The following EDIL3 variants were observed in gnomAD, a reference collection of about 807,000 sequenced individuals.
The protein encoded by EDIL3 is EGF like and discoidin domains 3.
Under a neutral mutation model 67.4 loss-of-function variants are expected in EDIL3, and 37 were observed. The observed-to-expected ratio is 0.55, with a 90% confidence interval of 0.42 to 0.72. The LOEUF (loss-of-function observed/expected upper bound fraction) is 0.72, where lower values mean the gene tolerates loss of function less well. Ranked by LOEUF, EDIL3 falls within the 30% of genes least tolerant of loss-of-function variation. The pLI is 0.00. For synonymous variants in EDIL3, 195 were observed against 196.3 expected (o/e 0.99, Z 0.05); for missense variants, 527 against 586.3 (o/e 0.90, Z 1.04).
intron 3 of EDIL3, among the ~76,000 whole-genome samples, chr5:84,205,982 C>T (rs1292377634): frequency 6.6e-6 from 1 of 151,998 alleles, no homozygotes; most frequent in Non-Finnish European, 1.5e-5. Context: ...TCTTGCTTTT[C>T]TAGCTCTTGT....
At chr5:84,022,992 A>T (rs1427050252) in intron 9 of EDIL3, among the ~76,000 whole-genome samples, 1 of 152,028 alleles carries the variant, frequency 6.6e-6, no homozygotes, top group African/African-American at 2.4e-5. Context: ...CTATGCTTGT[A>T]ACAAATACAA....
chr5:84,292,075 A>G (rs112038465), intron 1 of EDIL3, among the ~76,000 whole-genome samples: 6 of 152,156 alleles, frequency 3.9e-5, no homozygotes, highest in African/African-American at 1.4e-4. Context: ...GTTAAATTTT[A>G]TTTAACTTAA....
chr5:84,125,434 A>C (rs1283885453), intron 5 of EDIL3, among the ~76,000 whole-genome samples: 4 of 152,054 alleles, frequency 2.6e-5, no homozygotes, highest in African/African-American at 9.7e-5. Flanking sequence ...AGTCTGCAAA[A>C]GCTTAACTTC....
intron 9 of EDIL3, among the ~76,000 whole-genome samples, chr5:83,999,492 C>T (rs1005509108): frequency 6.6e-6 from 1 of 151,726 alleles, no homozygotes; most frequent in Non-Finnish European, 1.5e-5. Context: ...TCTGAAGCTA[C>T]AAAATTCAAT....
At chr5:84,051,590 T>A (rs1281056933) in intron 9 of EDIL3, among the ~76,000 whole-genome samples, 1 of 152,108 alleles carries the variant, frequency 6.6e-6, no homozygotes, top group Non-Finnish European at 1.5e-5. Flanking sequence ...CTAACTAGAA[T>A]AACCAATGCA....
intron 1 of EDIL3, among the ~76,000 whole-genome samples, chr5:84,343,591 G>C (rs1747170621): frequency 6.6e-6 from 1 of 152,012 alleles, no homozygotes; most frequent in Non-Finnish European, 1.5e-5. Flanking sequence ...ATATCTCCAT[G>C]AGAACTCCTT....
intron 1 of EDIL3, among the ~76,000 whole-genome samples, chr5:84,259,180 C>T (rs1160432302): frequency 2.0e-5 from 3 of 152,028 alleles, no homozygotes; most frequent in South Asian, 4.2e-4. Flanking sequence ...AGGATGGTCT[C>T]GATCTCCTGA....
At chr5:84,167,426 A>G (rs1011155396) in intron 4 of EDIL3, among the ~76,000 whole-genome samples, 2 of 151,706 alleles carry the variant, frequency 1.3e-5, no homozygotes, top group East Asian at 3.9e-4. Flanking sequence ...CACCTCACAT[A>G]CTGAGAAGGT....
intron 1 of EDIL3, among the ~76,000 whole-genome samples, chr5:84,365,214 A>G (rs1747703565): frequency 1.3e-5 from 2 of 152,156 alleles, no homozygotes; most frequent in Non-Finnish European, 2.9e-5. Context: ...CTGAATACTA[A>G]GTACTGAACA....
intron 6 of EDIL3, among the ~76,000 whole-genome samples, chr5:84,095,237 A>G (rs1052770094): frequency 4.6e-5 from 7 of 152,162 alleles, no homozygotes; most frequent in African/African-American, 1.4e-4. Flanking sequence ...TATTTTTACC[A>G]AGTGTAAATT....
chr5:84,364,172 G>A (rs1200466552), intron 1 of EDIL3, among the ~76,000 whole-genome samples: 2 of 152,192 alleles, frequency 1.3e-5, no homozygotes, highest in South Asian at 2.1e-4. Context: ...ACAATGTAAG[G>A]CAGTTTTCAG....
At chr5:84,058,363 A>AAC (rs3831891) in intron 9 of EDIL3, among the ~76,000 whole-genome samples, 18 of 151,268 alleles carry the variant, frequency 1.2e-4, no homozygotes, top group Non-Finnish European at 2.1e-4. Context: ...CAGACACACA[A>AAC]ACACACACAC....
chr5:84,106,730 A>G lies in EDIL3; in HGVS notation c.570T>C (p.Tyr190=). 1 of 1,613,522 alleles carries G rather than the reference A, an allele frequency of 6.2e-7. No homozygotes were observed. Residue 190 remains tyrosine (Y), a synonymous_variant, in exon 6 of 11, where the codon TAT becomes TAC. Coordinates refer to ENST00000296591, the MANE Select transcript of EDIL3 (RefSeq NM_005711.5). Reference sequence around the variant, plus strand: ...TCTTATTAAGACGTGCATAGTAGGGATACCATTTTTGGAGTCCAAAAAGAG... The same window carrying G: ...TCTTATTAAGACGTGCATAGTAGGGGTACCATTTTTGGAGTCCAAAAAGAG... ...HRALFGLQKW[Y]PYYARLNKKG... is the part of the protein sequence containing the mutation.
At chr5:84,355,359 T>C (rs1747457969) in intron 1 of EDIL3, among the ~76,000 whole-genome samples, 1 of 152,056 alleles carries the variant, frequency 6.6e-6, no homozygotes, top group Admixed American at 6.6e-5. Flanking sequence ...TTCTCTAAAC[T>C]GGTTATTCTA....
At chr5:84,299,150 CG>C (rs1262388321) in intron 1 of EDIL3, among the ~76,000 whole-genome samples, 1 of 152,022 alleles carries the variant, frequency 6.6e-6, no homozygotes, top group Non-Finnish European at 1.5e-5. Context: ...GAACACACCA[CG>C]AGGACAGGTA....
intron 6 of EDIL3, among the ~76,000 whole-genome samples, chr5:84,105,640 A>C (rs1747446553): frequency 6.6e-6 from 1 of 152,014 alleles, no homozygotes; most frequent in Non-Finnish European, 1.5e-5. Context: ...TCCCTACTCT[A>C]CTGAAATAAG....
chr5:84,117,868 G>A (rs1314118839), intron 5 of EDIL3, among the ~76,000 whole-genome samples: 1 of 151,996 alleles, frequency 6.6e-6, no homozygotes, highest in African/African-American at 2.4e-5. Context: ...AACATAAAAT[G>A]ATGCATATTC....
intron 9 of EDIL3, among the ~76,000 whole-genome samples, chr5:83,985,452 TAATTG>T (rs1396497061): frequency 2.0e-5 from 3 of 152,234 alleles, no homozygotes; most frequent in African/African-American, 7.2e-5. Flanking sequence ...TGACAGAATT[TAATTG>T]AATTGAATTG....
intron 9 of EDIL3, among the ~76,000 whole-genome samples, chr5:83,977,142 T>C (rs1022958670): frequency 9.9e-5 from 15 of 151,818 alleles, no homozygotes; most frequent in African/African-American, 3.4e-4. Flanking sequence ...TACGAATGTT[T>C]AACTTTACAA....
Sources: gnomAD v4.1 joint callset for allele counts (sites outside exome capture counted in the v4.1 genomes callset) on GRCh38, gnomAD v4.1.1 for gene constraint, MANE v1.5 for transcripts, NCBI Gene and HGNC (gene_info 2026-07-23, HGNC 2026-07-21) for gene names.